ZNF622: variants seen among roughly 807,000 people sequenced by gnomAD.
The protein encoded by ZNF622 is cytoplasmic 60S subunit biogenesis factor ZNF622.
ZNF622 carries 34 observed loss-of-function variants against 49.7 expected under a neutral mutation model. The observed-to-expected ratio is 0.68, with a 90% confidence interval of 0.52 to 0.91. The LOEUF (loss-of-function observed/expected upper bound fraction) is 0.91, where lower values mean the gene tolerates loss of function less well. Among genes scored for constraint, ZNF622 ranks in the 40% least tolerant of loss-of-function variants. The probability of loss-of-function intolerance (pLI) is 0.00; values close to 1 mark genes in which losing one functional copy is unlikely to be tolerated. For synonymous variants in ZNF622, 209 were observed against 228.7 expected (o/e 0.91, Z 0.78); for missense variants, 569 against 616.4 (o/e 0.92, Z 0.81).
At chr5:16,464,928 T>C in intron 1 of ZNF622, 113 bp downstream of exon 1, 1 of 1,454,720 alleles carries the variant, frequency 6.9e-7, no homozygotes, top group Non-Finnish European at 9.2e-7. Context: ...TCCCTCATCA[T>C]TTTTACTTAA....
chr5:16,453,567 A>G (rs1196661986), intron 4 of ZNF622, among the ~76,000 whole-genome samples: 2 of 40,304 alleles, frequency 5.0e-5, no homozygotes, highest in African/African-American at 1.4e-4. Flanking sequence ...AATTATATAT[A>G]TATATATATA....
At chr5:16,461,232 A>G (rs1187558934) in intron 3 of ZNF622, among the ~76,000 whole-genome samples, 1 of 152,270 alleles carries the variant, frequency 6.6e-6, no homozygotes, top group Non-Finnish European at 1.5e-5. Context: ...CCAGAGAGCA[A>G]CTAATACAAA....
At chr5:16,453,453 C>T (rs1192246176) in intron 4 of ZNF622, among the ~76,000 whole-genome samples, 2 of 150,634 alleles carry the variant, frequency 1.3e-5, no homozygotes, top group Non-Finnish European at 3.0e-5. Flanking sequence ...TACTTGCATA[C>T]AATATGCCTC....
chr5:16,454,750 T>C (rs1346406690), intron 4 of ZNF622, among the ~76,000 whole-genome samples: 2 of 152,158 alleles, frequency 1.3e-5, no homozygotes, highest in Non-Finnish European at 1.5e-5. Context: ...GTATTATCTC[T>C]CGATGCTTTG....
At chr5:16,460,440 T>C (rs1220315932) in intron 3 of ZNF622, among the ~76,000 whole-genome samples, 1 of 152,192 alleles carries the variant, frequency 6.6e-6, no homozygotes. Context: ...ATTTTTTAGC[T>C]GAGTGAATCC....
Position 16,451,586 on chromosome 5 carries a change from C to T in ZNF622, c.*71G>A, listed in dbSNP as rs1032479614. On this transcript the variant is annotated 3_prime_UTR_variant, in exon 6 of 6. Transcript: ENST00000308683. ...GCAGCAAAAGGGTCTCTCCTATGAT[C>T]TGTCTTTCACTGGTCCTCAGGGCAA... is the stretch of plus-strand genomic sequence containing the variant. The T allele has an allele frequency of 4.1e-5, 64 of 1,564,574 alleles. 1 individual carries two copies. The highest frequency in any genetic ancestry group is 3.3e-4 in the South Asian group (27 of 81,564).
intron 5 of ZNF622, among the ~76,000 whole-genome samples, chr5:16,452,667 A>G (rs867538699): frequency 6.6e-6 from 1 of 152,228 alleles, no homozygotes; most frequent in Non-Finnish European, 1.5e-5. Flanking sequence ...CTGACTCCAC[A>G]GCTCAAGCTA....
At position 16,453,139 on chromosome 5, in the gene ZNF622, G is replaced by A. The variant is rs565978221; in HGVS notation, c.1180C>T (p.Arg394Cys). 16 of 1,520,100 alleles carry A rather than the reference G, an allele frequency of 1.1e-5. No individual in the cohort carries two copies. The highest frequency in any genetic ancestry group is 1.8e-4 in the Middle Eastern group (1 of 5,710). The allele number at this position is 1,520,100 out of a possible 1,614,324, so 94.2% of individuals were successfully genotyped here. A position where few individuals can be genotyped will look rare whatever the true frequency, so the allele number is the denominator to read the frequency against. The change falls in exon 5 of 6, where the codon CGC becomes TGC. Residue 394 changes from arginine to cysteine, a missense_variant. Physicochemically the swap from Arg to Cys is radical, Grantham distance 180. Coordinates refer to ENST00000308683, the MANE Select transcript of ZNF622 (RefSeq NM_033414.3). The part of the protein sequence containing the change: ...ILPSGARVGH[R>C]SLMRYYKQRF... ...TGTTTGTAGTATCTCATCAAGGAGCGATGACCCACTCTGGCACCTGTTTTT... is the reference window on the plus strand; with the variant it reads ...TGTTTGTAGTATCTCATCAAGGAGCAATGACCCACTCTGGCACCTGTTTTT...
In ZNF622 at chr5:16,465,420, G is replaced by A. The variant is rs988760980; in HGVS notation, c.246C>T (p.Tyr82=). ...CSKKFASFNA[Y]ENHLKSRRHV... ...GACGCCGGGACTTGAGGTGGTTCTC[G>A]TAGGCGTTGAAAGAGGCAAACTTCT... Residue 82 remains tyrosine (Y), a synonymous_variant, in exon 1 of 6, where the codon TAC becomes TAT. Coordinates refer to ENST00000308683, the MANE Select transcript of ZNF622 (RefSeq NM_033414.3). The surrounding 1 kb of genome is among the most constrained non-coding windows in gnomAD (Gnocchi z 6.2). 1.2e-6 allele frequency: 2 copies of A among 1,614,236 alleles called. No individual in the cohort carries two copies. Among genetic ancestry groups the A allele is most frequent in the Non-Finnish European group, 1.7e-6 (2 of 1,180,044 alleles).
intron 4 of ZNF622, among the ~76,000 whole-genome samples, chr5:16,457,426 G>A (rs960003898): frequency 3.3e-5 from 5 of 152,078 alleles, no homozygotes; most frequent in African/African-American, 9.7e-5. Flanking sequence ...AGGTTCTCTG[G>A]GATTTAGGTT....
In ZNF622 at chr5:16,463,744, T is replaced by G. The variant is rs1738163650; in HGVS notation, c.626-2A>C. The G allele has an allele frequency of 6.2e-7, 1 of 1,607,724 alleles. No individual in the cohort carries two copies. Among genetic ancestry groups the G allele is most frequent in the South Asian group, 1.1e-5 (1 of 89,700 alleles). ...CATCAGAATCAATATCTTCCCAATC[T>G]GCAAGCCAGAATTTTGAAATATAAA... On this transcript the variant is annotated splice_acceptor_variant, in intron 1 of 5. Transcript: ENST00000308683. LOFTEE classifies it high-confidence loss of function. This position sits in a 1 kb window ranked among gnomAD's most constrained non-coding sequence, Gnocchi z 4.2.
chr5:16,452,592 T>G (rs147448587), intron 5 of ZNF622, among the ~76,000 whole-genome samples: 1 of 152,320 alleles, frequency 6.6e-6, no homozygotes, highest in East Asian at 1.9e-4. Context: ...AAACAGAAGC[T>G]TATATTAATT....
chr5:16,458,554 T>C lies in ZNF622; in HGVS notation c.1125A>G (p.Glu375=). 6.2e-7 allele frequency: 1 copy of C among 1,613,886 alleles called. No individual in the cohort carries two copies. The highest frequency in any genetic ancestry group is 1.1e-5 in the South Asian group (1 of 91,070). ...AEELPSEKNL[E]YDDETMELIL... is the part of the protein sequence containing the mutation. ...TCAATTCCATGGTTTCATCATCATA[T>C]TCCAAGTTCTTTTCTGAGGGCAACT... The change falls in exon 4 of 6, where the codon GAA becomes GAG. Residue 375 remains glutamate (E), a synonymous_variant. Coordinates refer to ENST00000308683, the MANE Select transcript of ZNF622 (RefSeq NM_033414.3).
chr5:16,459,803 T>C (rs1579564744), intron 3 of ZNF622, among the ~76,000 whole-genome samples: 1 of 152,190 alleles, frequency 6.6e-6, no homozygotes, highest in African/African-American at 2.4e-5. Flanking sequence ...ATTCCATTTA[T>C]ATAAAGTATA....
At chr5:16,452,579 A>C (rs1737950572) in intron 5 of ZNF622, among the ~76,000 whole-genome samples, 1 of 152,190 alleles carries the variant, frequency 6.6e-6, no homozygotes, top group African/African-American at 2.4e-5. Flanking sequence ...TTTATAAATG[A>C]GGAAACAGAA....
intron 4 of ZNF622, among the ~76,000 whole-genome samples, chr5:16,458,294 G>A (rs985700546): frequency 6.7e-6 from 1 of 148,352 alleles, no homozygotes; most frequent in African/African-American, 2.5e-5. Context: ...CAAACATTCT[G>A]AATCATAACC....
intron 3 of ZNF622, among the ~76,000 whole-genome samples, chr5:16,459,930 C>T (rs1198457098): frequency 6.6e-6 from 1 of 152,094 alleles, no homozygotes; most frequent in East Asian, 1.9e-4. Flanking sequence ...TATTAACATG[C>T]TGTTTCTTGA....
chr5:16,451,967 T>C (rs77769949), intron 5 of ZNF622, among the ~76,000 whole-genome samples, 183 bp from the exon 6 acceptor site: 2,106 of 152,272 alleles, frequency 0.014, 53 homozygotes, highest in African/African-American at 0.048. Context: ...GACTCCAGAA[T>C]TGCATACCAG....
intron 3 of ZNF622, 66 bp from the exon 4 acceptor site, chr5:16,458,695 C>T: frequency 8.2e-7 from 1 of 1,225,264 alleles, no homozygotes; most frequent in Non-Finnish European, 1.2e-6. Flanking sequence ...GACATAAACT[C>T]ATTTGCAAAT....
Sources: gnomAD v4.1 joint callset for allele counts (sites outside exome capture counted in the v4.1 genomes callset) on GRCh38, gnomAD v4.1.1 for gene constraint, Gnocchi (gnomAD v3.1) non-coding constraint, MANE v1.5 for transcripts, NCBI Gene and HGNC (gene_info 2026-07-23, HGNC 2026-07-21) for gene names.